RIPOR3: variants seen among roughly 807,000 people sequenced by gnomAD.
RIPOR3 encodes family with sequence similarity 65 member C.
Under a neutral mutation model 114.3 loss-of-function variants are expected in RIPOR3, and 95 were observed. The ratio of observed to expected loss-of-function variants is 0.83; its 90% CI spans 0.70 to 0.99. The LOEUF (loss-of-function observed/expected upper bound fraction) is 0.99, where lower values mean the gene tolerates loss of function less well. RIPOR3 is among the 50% of genes least tolerant of loss of function. RIPOR3 has a pLI of 0.00. For synonymous variants in RIPOR3, 575 were observed against 543.8 expected, an observed-to-expected ratio of 1.06 and a Z score of -0.80; for missense variants, 1,252 against 1,266.9, an observed-to-expected ratio of 0.99 and a Z score of 0.18.
intron 1 of RIPOR3, among the ~76,000 whole-genome samples, chr20:50,653,043 G>A (rs572377532): frequency 1.3e-5 from 2 of 152,262 alleles, no homozygotes; most frequent in African/African-American, 4.8e-5. Context: ...TAGCCAAGAA[G>A]TAAAAACAGC....
At position 50,595,449 on chromosome 20, in the gene RIPOR3, A is replaced by G; in HGVS notation, c.1970T>C (p.Val657Ala). Residue 657 changes from valine (V) to alanine (A), a missense_variant, in exon 16 of 22, where the codon GTG (valine) becomes GCG (alanine). Val to Ala is a moderately conservative substitution (Grantham distance 64). Coordinates refer to ENST00000327979, the MANE Select transcript of RIPOR3 (RefSeq NM_001290268.2). ...RLVQECLLEE[V>A]AQQKHVLETL... ...CTCCAGAACGTGCTTTTGCTGTGCC[A>G]CTTCTTCCAGGAGGCATTCCTGGAC... 6.2e-7 allele frequency: 1 copy of G among 1,614,116 alleles called. No individual in the cohort carries two copies. Among genetic ancestry groups the G allele is most frequent in the Non-Finnish European group, 8.5e-7 (1 of 1,180,008 alleles).
chr20:50,665,610 T>C (rs2086164150), intron 1 of RIPOR3, among the ~76,000 whole-genome samples: 1 of 151,802 alleles, frequency 6.6e-6, no homozygotes, highest in Non-Finnish European at 1.5e-5. Flanking sequence ...TTAGTAGAGA[T>C]GGGGTTTCCT....
At chr20:50,612,111 C>T (rs6012974) in intron 4 of RIPOR3, among the ~76,000 whole-genome samples, 1 of 143,388 alleles carries the variant, frequency 7.0e-6, no homozygotes, top group Non-Finnish European at 1.5e-5. Context: ...GGTGACAGAG[C>T]GAGACTCCAT....
chr20:50,623,709 C>T (rs1253523970), intron 2 of RIPOR3, among the ~76,000 whole-genome samples: 1 of 152,138 alleles, frequency 6.6e-6, no homozygotes, highest in East Asian at 1.9e-4. Context: ...CACCACAAGC[C>T]CAAGGGCCTC....
Position 50,608,419 on chromosome 20 carries a change from GTA to G in RIPOR3, c.924_925del (p.Thr309HisfsTer13). The G allele has an allele frequency of 6.2e-7, 1 of 1,613,962 alleles. No homozygotes were observed. Among genetic ancestry groups the G allele is most frequent in the Non-Finnish European group, 8.5e-7 (1 of 1,179,936 alleles). On this transcript the variant is annotated frameshift_variant, in exon 11 of 22. Coordinates refer to ENST00000327979, the MANE Select transcript of RIPOR3 (RefSeq NM_001290268.2). LOFTEE classifies it high-confidence loss of function. ...CTGCACCTCCAGCTGCAGCTTGATGGTACCCAACTCCGTGATGTCCACCACGA... is the reference window on the plus strand; with the variant it reads ...CTGCACCTCCAGCTGCAGCTTGATGGCCCAACTCCGTGATGTCCACCACGA...
Position 50,630,848 on chromosome 20 carries a change from G to C in RIPOR3, c.12C>G (p.Thr4=), listed in dbSNP as rs1328137650. Residue 4 remains threonine (T), a synonymous_variant, in exon 2 of 22, where the codon ACC becomes ACG. Coordinates refer to ENST00000327979, the MANE Select transcript of RIPOR3 (RefSeq NM_001290268.2). Reference sequence around the variant, plus strand: ...ACAGGAACCGCAACCTCACCGACATGGTGGTCACCTGCAAGGAGAGGACAG... The same window carrying C: ...ACAGGAACCGCAACCTCACCGACATCGTGGTCACCTGCAAGGAGAGGACAG... MVT[T]MSVRLRFLSP... is the part of the protein sequence containing the mutation. 6.2e-7 allele frequency: 1 copy of C among 1,601,188 alleles called. No individual in the cohort carries two copies. The highest frequency in any genetic ancestry group is 8.5e-7 in the Non-Finnish European group (1 of 1,174,484).
chr20:50,621,565 A>G (rs1484280405), intron 2 of RIPOR3, among the ~76,000 whole-genome samples: 1 of 152,134 alleles, frequency 6.6e-6, no homozygotes. Context: ...GCCAGCCAGG[A>G]GTTCAGAATT....
At chr20:50,622,182 CTCTT>C (rs1348590099) in intron 2 of RIPOR3, among the ~76,000 whole-genome samples, 5 of 150,666 alleles carry the variant, frequency 3.3e-5, no homozygotes, top group African/African-American at 1.2e-4. Context: ...GGCATCAGTT[CTCTT>C]TTTTTTTTTT....
rs180912029 is a variant in RIPOR3, at chr20:50,631,171, C to G, written c.4-315G>C. 4.5e-4 allele frequency among the ~76,000 whole-genome samples: 69 copies of G among 152,284 alleles called. 1 individual carries two copies. In the East Asian group the frequency reaches 0.012, roughly 27 times the overall value. On this transcript the variant is annotated intron_variant, in intron 1 of 21. Coordinates refer to ENST00000327979, the MANE Select transcript of RIPOR3 (RefSeq NM_001290268.2). ...CCTCCTGAACACAGCCCTCTCACCC[C>G]CCGAGCTTCTCCTCTCCCCTCCTCC...
At chr20:50,649,060 G>A (rs1215343694) in intron 1 of RIPOR3, among the ~76,000 whole-genome samples, 2 of 152,192 alleles carry the variant, frequency 1.3e-5, no homozygotes, top group African/African-American at 2.4e-5. Context: ...TCTTGTAGCT[G>A]CATGACGCCA....
At position 50,592,395 on chromosome 20, in the gene RIPOR3, C is replaced by A. The variant is rs377757501; in HGVS notation, c.2526G>T (p.Ala842=). 2 of 1,607,522 alleles carry A rather than the reference C, an allele frequency of 1.2e-6. No individual in the cohort carries two copies. The highest frequency in any genetic ancestry group is 2.2e-5 in the South Asian group (2 of 90,716). Residue 842 remains alanine, a synonymous_variant, in exon 19 of 22, where the codon GCG becomes GCT. Coordinates refer to ENST00000327979, the MANE Select transcript of RIPOR3 (RefSeq NM_001290268.2). ...QLDGTPRVCR[A]ASARLAGAVR... ...CTGCACCAGCCAGGCGAGCGCTGGC[C>A]GCCCTGCACACCCTCGGAGTGCCGT... is the stretch of plus-strand genomic sequence containing the variant.
At chr20:50,641,166 C>T (rs1320760814) in intron 1 of RIPOR3, among the ~76,000 whole-genome samples, 3 of 152,046 alleles carry the variant, frequency 2.0e-5, no homozygotes, top group African/African-American at 7.2e-5. Context: ...CTGCCTCGGC[C>T]TCCCAAAGTG....
In RIPOR3 at chr20:50,620,046, C is replaced by G; in HGVS notation, c.209G>C (p.Cys70Ser). 6.2e-7 allele frequency: 1 copy of G among 1,614,196 alleles called. No homozygotes were observed. The highest frequency in any genetic ancestry group is 1.3e-5 in the African/African-American group (1 of 75,056). The part of the protein sequence containing the change: ...MYGTLRKGSV[C>S]ADPKPQQVKK... ...CACCTGCTGGGGCTTCGGGTCTGCA[C>G]AGACCGACCCCTTCCGCAGCGTGCC... The change falls in exon 3 of 22, where the codon TGT becomes TCT. Residue 70 changes from cysteine (C) to serine (S), a missense_variant. By Grantham distance (112) the Cys-to-Ser change is moderately radical. Transcript: ENST00000327979.
chr20:50,610,282 C>T lies in RIPOR3; in HGVS notation c.427-560G>A, dbSNP rs554749202. Among the ~76,000 whole-genome samples the T allele has an allele frequency of 4.1e-3, 619 of 152,226 alleles. 2 individuals are homozygous for T. The highest frequency in any genetic ancestry group is 0.014 in the African/African-American group (579 of 41,516). On this transcript the variant is annotated intron_variant, in intron 6 of 21. Coordinates refer to ENST00000327979, the MANE Select transcript of RIPOR3 (RefSeq NM_001290268.2). ...CTGCTGCATACCCAGCTCCTGGCAG[C>T]GACTGGCACACAGTGTGCACAGCAA...
intron 1 of RIPOR3, among the ~76,000 whole-genome samples, chr20:50,644,414 T>G (rs1388905554): frequency 6.6e-6 from 1 of 152,244 alleles, no homozygotes; most frequent in Non-Finnish European, 1.5e-5. Flanking sequence ...TGTATACATG[T>G]TAAATGCATT....
At chr20:50,588,211 C>T (rs578156939) in intron 20 of RIPOR3, among the ~76,000 whole-genome samples, 1 of 152,352 alleles carries the variant, frequency 6.6e-6, no homozygotes, top group Admixed American at 6.5e-5. Context: ...GCCTCCCTCA[C>T]GCTCTCCTTG....
intron 20 of RIPOR3, among the ~76,000 whole-genome samples, chr20:50,588,749 G>GAAA (rs869194473): frequency 1.0e-4 from 6 of 58,448 alleles, no homozygotes; most frequent in African/African-American, 2.6e-4. Flanking sequence ...ATTCTCAAGT[G>GAAA]AAAAAAAAAA....
chr20:50,609,825 C>T, intron 6 of RIPOR3, 103 bp from the exon 7 acceptor site: 2 of 1,284,246 alleles, frequency 1.6e-6, no homozygotes, highest in South Asian at 4.1e-5. Context: ...CTGAGCTAAG[C>T]ACCCCGCTAG....
chr20:50,611,246 C>T, intron 4 of RIPOR3, 42 bp from the exon 5 acceptor site: 4 of 1,613,726 alleles, frequency 2.5e-6, no homozygotes, highest in Non-Finnish European at 3.4e-6. Context: ...TGTCAGAGTC[C>T]CACATGTTCC....
Sources: allele counts gnomAD v4.1 joint callset (sites outside exome capture counted in the v4.1 genomes callset), GRCh38; gene constraint gnomAD v4.1.1; transcripts MANE v1.5; gene names NCBI Gene and HGNC (gene_info 2026-07-23, HGNC 2026-07-21).